Variants in RFT1 observed in about 807,000 individuals in gnomAD.
The protein encoded by RFT1 is man(5)GlcNAc(2)-PP-dolichol translocation protein RFT1.
A neutral mutation model predicts 62.2 loss-of-function variants in RFT1; 43 were observed. The ratio of observed to expected loss-of-function variants is 0.69; its 90% CI spans 0.54 to 0.89. The LOEUF is 0.89. Among genes scored for constraint, RFT1 ranks in the 40% least tolerant of loss-of-function variants. RFT1 has a pLI of 0.00. For missense variants in RFT1, 605 were observed against 649.9 expected, an observed-to-expected ratio of 0.93 and a Z score of 0.75; for synonymous variants, 262 against 264.6, an observed-to-expected ratio of 0.99 and a Z score of 0.10.
At chr3:53,073,455 T>A in the RFT1 span, among the ~76,000 whole-genome samples, 3 of 152,122 alleles carry the variant, frequency 2.0e-5, no homozygotes, top group Non-Finnish European at 4.4e-5. Context: ...GCACCCTTTG[T>A]CCCCCAAGGG....
the RFT1 span, among the ~76,000 whole-genome samples, chr3:53,067,180 C>A: frequency 5.3e-5 from 8 of 151,954 alleles, no homozygotes; most frequent in South Asian, 2.1e-4. Context: ...AACAAACAAA[C>A]AAAAAAATAG....
At chr3:53,092,340 A>AT in intron 12 of RFT1, 29 bp downstream of exon 12, 1 of 1,586,308 alleles carries the variant, frequency 6.3e-7, no homozygotes. Context: ...CTGCAGAAGC[A>AT]TGTGGCATGA....
chr3:53,112,721 T>C (rs1701686787), intron 6 of RFT1, among the ~76,000 whole-genome samples: 1 of 152,166 alleles, frequency 6.6e-6, no homozygotes, highest in African/African-American at 2.4e-5. Flanking sequence ...TCAGCCTGGA[T>C]GACAGAGCGA....
chr3:53,106,626 G>T (rs562892355), intron 8 of RFT1, among the ~76,000 whole-genome samples, 193 bp downstream of exon 8: 7 of 152,116 alleles, frequency 4.6e-5, no homozygotes, highest in African/African-American at 7.2e-5. Flanking sequence ...AGAGGGCCGG[G>T]GTCTCACCAG....
chr3:53,106,859 A>T lies in RFT1; in HGVS notation c.786T>A (p.Tyr262Ter). Residue 262 changes from tyrosine to a stop codon, truncating the protein, a stop_gained, in exon 8 of 13, where the codon TAT (tyrosine) becomes TAA (stop). Transcript: ENST00000296292. LOFTEE classifies it high-confidence loss of function. ...TCAATACATTCAAAAATGTCATCAC[A>T]TATCGCTCGCCTATAAACAAAAAAG... is the stretch of plus-strand genomic sequence containing the variant. The part of the protein sequence containing the change: ...LKQILTEGER[Y>*]VMTFLNVLNF... 1 of 1,613,186 alleles carries T rather than the reference A, an allele frequency of 6.2e-7. No homozygotes were observed. The highest frequency in any genetic ancestry group is 1.3e-5 in the African/African-American group (1 of 75,036).
intron 7 of RFT1, 118 bp downstream of exon 7, chr3:53,111,712 C>T (rs1701653341): frequency 1.2e-6 from 1 of 841,698 alleles, no homozygotes; most frequent in Admixed American, 1.8e-5. Flanking sequence ...CCTCCCATTT[C>T]TGAAATTCTT....
intron 6 of RFT1, among the ~76,000 whole-genome samples, chr3:53,118,422 T>C (rs1701869266): frequency 6.6e-6 from 1 of 152,196 alleles, no homozygotes; most frequent in Admixed American, 6.5e-5. Context: ...GTTTAGGTTA[T>C]AGGTAAAATC....
chr3:53,107,660 GTC>G (rs1162326711), intron 7 of RFT1, among the ~76,000 whole-genome samples: 3 of 150,860 alleles, frequency 2.0e-5, no homozygotes, highest in Admixed American at 6.6e-5. Context: ...ATGAACTCAC[GTC>G]TGAGTTCATG....
intron 7 of RFT1, among the ~76,000 whole-genome samples, chr3:53,107,839 A>G (rs1478930668): frequency 6.6e-6 from 1 of 152,092 alleles, no homozygotes; most frequent in Non-Finnish European, 1.5e-5. Context: ...CTCACCTCCT[A>G]GTAACTTGCT....
Position 53,121,781 on chromosome 3 carries a change from G to A in RFT1, c.476C>T (p.Ser159Leu), listed in dbSNP as rs756539860. 1.4e-5 allele frequency: 23 copies of A among 1,613,364 alleles called. No homozygotes were observed. Among genetic ancestry groups the A allele is most frequent in the African/African-American group, 4.0e-5 (3 of 74,900 alleles). The change falls in exon 5 of 13, where the codon TCG (serine) becomes TTG (leucine). Residue 159 changes from serine to leucine, a missense_variant. Coordinates refer to ENST00000296292, the MANE Select transcript of RFT1 (RefSeq NM_052859.4). ...VKLKVIAESL[S>L]VILKSVLTAF... ...TGTCAGAACGCTCTTAAGAATTACC[G>A]ACAGGCTCTCTGCAATCACCTGCAA... is the stretch of plus-strand genomic sequence containing the variant.
Position 53,121,721 on chromosome 3 carries a change from A to T in RFT1, c.536T>A (p.Leu179Ter). 1.2e-6 allele frequency: 2 copies of T among 1,613,918 alleles called. No individual in the cohort carries two copies. The highest frequency in any genetic ancestry group is 1.7e-6 in the Non-Finnish European group (2 of 1,179,818). The change falls in exon 5 of 13, where the codon TTG (leucine) becomes TAG (stop). Residue 179 changes from leucine (L) to a stop codon, truncating the protein, a stop_gained. Coordinates refer to ENST00000296292, the MANE Select transcript of RFT1 (RefSeq NM_052859.4). LOFTEE classifies it high-confidence loss of function. ...TACCTGGGCCAAAGAGAAAATGTACAATCCCCAGTGAGGCAACCACAGCAC... is the reference window on the plus strand; with the variant it reads ...TACCTGGGCCAAAGAGAAAATGTACTATCCCCAGTGAGGCAACCACAGCAC... ...FLVLWLPHWG[L>*]YIFSLAQLFY...
At chr3:53,126,670 C>T (rs1429621628) in intron 1 of RFT1, among the ~76,000 whole-genome samples, 1 of 151,980 alleles carries the variant, frequency 6.6e-6, no homozygotes, top group East Asian at 1.9e-4. Context: ...CAATTATTGC[C>T]GCTTGAAAGG....
rs1364522740 is a variant in RFT1, at chr3:53,104,070, A to C, written c.985T>G (p.Leu329Val). ...QEDVAVAAAV[L>V]ESLLKLALLA... is the part of the protein sequence containing the mutation. ...AGGGCCAGCTTGAGCAGGGACTCCA[A>C]GACTGCAGCAGCCACAGCAACGTCC... is the stretch of plus-strand genomic sequence containing the variant. The change falls in exon 10 of 13, where the codon TTG becomes GTG. Residue 329 changes from leucine (L) to valine (V), a missense_variant. Leu to Val is a conservative substitution (Grantham distance 32). Transcript: ENST00000296292. 6.2e-7 allele frequency: 1 copy of C among 1,613,994 alleles called. No homozygotes were observed. Among genetic ancestry groups the C allele is most frequent in the Non-Finnish European group, 8.5e-7 (1 of 1,180,024 alleles).
At chr3:53,111,708 A>G (rs949660223) in intron 7 of RFT1, 122 bp downstream of exon 7, 1 of 815,744 alleles carries the variant, frequency 1.2e-6, no homozygotes, top group Non-Finnish European at 2.1e-6. Context: ...CCCTCCTCCC[A>G]TTTCTGAAAT....
chr3:53,092,725 T>G, intron 11 of RFT1, 107 bp from the exon 12 acceptor site: 3 of 1,334,164 alleles, frequency 2.2e-6, no homozygotes, highest in Non-Finnish European at 3.1e-6. Context: ...CCTGAGCTCC[T>G]GGAATCCAGG....
Position 53,123,787 on chromosome 3 carries a change from C to A in RFT1, c.203G>T (p.Arg68Ile). Residue 68 changes from arginine (R) to isoleucine (I), a missense_variant, in exon 3 of 13, where the codon AGA becomes ATA. Coordinates refer to ENST00000296292, the MANE Select transcript of RFT1 (RefSeq NM_052859.4). ...TLFLAREAFR[R>I]ACLSGGTQRD... Reference sequence around the variant, plus strand: ...CTGGGTGCCCCCACTGAGACATGCTCTGCGGAAGGCCTCTCTGGCCAGGAA... The same window carrying A: ...CTGGGTGCCCCCACTGAGACATGCTATGCGGAAGGCCTCTCTGGCCAGGAA... 6.2e-7 allele frequency: 1 copy of A among 1,614,236 alleles called. No homozygotes were observed. Among genetic ancestry groups the A allele is most frequent in the Middle Eastern group, 1.7e-4 (1 of 6,060 alleles).
At chr3:53,110,503 A>G (rs1701617433) in intron 7 of RFT1, among the ~76,000 whole-genome samples, 1 of 152,140 alleles carries the variant, frequency 6.6e-6, no homozygotes, top group Admixed American at 6.5e-5. Flanking sequence ...TTGTAATAGC[A>G]AAGTTATAAG....
At chr3:53,103,695 C>T in intron 10 of RFT1, 1 of 485,784 alleles carries the variant, frequency 2.1e-6, no homozygotes, top group South Asian at 2.1e-5. Flanking sequence ...GAGAGGAAAG[C>T]CAACAGCAAG....
At chr3:53,110,798 T>C (rs1701626392) in intron 7 of RFT1, among the ~76,000 whole-genome samples, 2 of 152,194 alleles carry the variant, frequency 1.3e-5, no homozygotes, top group Admixed American at 1.3e-4. Context: ...CATTCAGTAA[T>C]AGGTATATGG....
Sources: allele counts gnomAD v4.1 joint callset (sites outside exome capture counted in the v4.1 genomes callset), GRCh38; gene constraint gnomAD v4.1.1; transcripts MANE v1.5; gene names NCBI Gene and HGNC (gene_info 2026-07-23, HGNC 2026-07-21).